EPHB1: variants seen among roughly 807,000 people sequenced by gnomAD.
EPHB1 encodes the protein ephrin type-B receptor 1.
EPHB1 carries 30 observed loss-of-function variants against 94.4 expected under a neutral mutation model. The ratio of observed to expected loss-of-function variants is 0.32; its 90% CI spans 0.24 to 0.43. The LOEUF (loss-of-function observed/expected upper bound fraction) is 0.43, where lower values mean the gene tolerates loss of function less well. Among genes scored for constraint, EPHB1 ranks in the 20% least tolerant of loss-of-function variants. The pLI, the probability that EPHB1 is intolerant of heterozygous loss-of-function variation, is 1.00. For synonymous variants in EPHB1, 522 were observed against 489.1 expected, an observed-to-expected ratio of 1.07 and a Z score of -0.89; for missense variants, 1,055 against 1,308.3, an observed-to-expected ratio of 0.81 and a Z score of 2.99.
intron 4 of EPHB1, among the ~76,000 whole-genome samples, chr3:135,121,110 A>G (rs1457861818): frequency 1.3e-5 from 2 of 152,184 alleles, no homozygotes; most frequent in South Asian, 2.1e-4. Context: ...CTAGTATCCA[A>G]AAGTTCAGCA....
chr3:134,890,499 T>C (rs903792918), intron 1 of EPHB1, among the ~76,000 whole-genome samples: 2 of 152,250 alleles, frequency 1.3e-5, no homozygotes, highest in African/African-American at 2.4e-5. Flanking sequence ...ACCTCCTTTG[T>C]ACATTTCTGA....
At chr3:135,013,455 C>T (rs1031509813) in intron 3 of EPHB1, among the ~76,000 whole-genome samples, 3 of 152,162 alleles carry the variant, frequency 2.0e-5, no homozygotes, top group Non-Finnish European at 2.9e-5. Flanking sequence ...CACCGCATAC[C>T]GAGGAATCCG....
chr3:134,826,280 GTTT>G (rs1167894115), intron 1 of EPHB1, among the ~76,000 whole-genome samples: 1 of 147,908 alleles, frequency 6.8e-6, no homozygotes, highest in African/African-American at 2.5e-5. Flanking sequence ...AATTGAAAAT[GTTT>G]TTTAGATGCT....
At chr3:134,987,773 AAAAC>A (rs34219096) in intron 3 of EPHB1, among the ~76,000 whole-genome samples, 50,832 of 151,138 alleles carry the variant, frequency 0.34, 10,549 homozygotes, top group African/African-American at 0.59. Flanking sequence ...TCTGTCTTGA[AAAAC>A]AAACAAACAA....
chr3:135,092,134 A>G (rs905215283), intron 3 of EPHB1, among the ~76,000 whole-genome samples: 1 of 152,184 alleles, frequency 6.6e-6, no homozygotes, highest in Non-Finnish European at 1.5e-5. Context: ...GCCTGGAGCT[A>G]CCAGATTGAT....
At position 134,822,922 on chromosome 3, in the gene EPHB1, A is replaced by G. The variant is rs547739942; in HGVS notation, c.58+27233A>G. Among the ~76,000 whole-genome samples the G allele has an allele frequency of 3.3e-5, 5 of 152,292 alleles. No homozygotes were observed. In the East Asian group the frequency reaches 9.7e-4, roughly 29 times the overall value. On this transcript the variant is annotated intron_variant, in intron 1 of 15. Coordinates refer to ENST00000398015, the MANE Select transcript of EPHB1 (RefSeq NM_004441.5). ...GTGTGGGTGACTGGCAAGGCCTGCA[A>G]CCTTGCCTCAGATCTGGTGAAAAGG... is the stretch of plus-strand genomic sequence containing the variant.
chr3:135,257,423 T>C (rs1293357190), intron 15 of EPHB1, among the ~76,000 whole-genome samples: 1 of 151,856 alleles, frequency 6.6e-6, no homozygotes, highest in African/African-American at 2.4e-5. Flanking sequence ...GTTTGTTAGT[T>C]TTCCTTCTAA....
chr3:134,935,820 CTAT>C (rs2067252), intron 2 of EPHB1, among the ~76,000 whole-genome samples: 58,264 of 151,670 alleles, frequency 0.38, 11,711 homozygotes, highest in Middle Eastern at 0.48. Flanking sequence ...AATAGCAGTG[CTAT>C]TATTAATAAT....
chr3:135,255,776 T>G (rs1173880597), intron 15 of EPHB1, among the ~76,000 whole-genome samples: 4 of 146,578 alleles, frequency 2.7e-5, no homozygotes, highest in Non-Finnish European at 6.0e-5. Flanking sequence ...GTATCCTTGT[T>G]GACTTTCTGT....
At chr3:135,255,244 C>G (rs1486541746) in intron 15 of EPHB1, among the ~76,000 whole-genome samples, 4 of 151,872 alleles carry the variant, frequency 2.6e-5, no homozygotes, top group Non-Finnish European at 4.4e-5. Context: ...TTATTTCTTG[C>G]CTTCTGCTAG....
Position 135,062,789 on chromosome 3 carries a change from T to G in EPHB1, c.806-43659T>G, listed in dbSNP as rs183372914. Among the ~76,000 whole-genome samples, 231 of 152,312 alleles carry G rather than the reference T, an allele frequency of 1.5e-3. 1 individual carries two copies. Among genetic ancestry groups the G allele is most frequent in the Non-Finnish European group, 2.1e-3 (146 of 68,004 alleles). ...CCAATGTCTAGAAGGGTTTTTCCAA[T>G]GTTATCTTCCAGGATTTTTATAGTT... On this transcript the variant is annotated intron_variant, in intron 3 of 15. Transcript: ENST00000398015.
In EPHB1 at chr3:135,149,573, T is replaced by C. The variant is rs118023718; in HGVS notation, c.1298-4579T>C. On this transcript the variant is annotated intron_variant, in intron 5 of 15. Coordinates refer to ENST00000398015, the MANE Select transcript of EPHB1 (RefSeq NM_004441.5). ...GCACATAAAACAACAGATCAAGAGG[T>C]GACATTTGCCCTTGGAGAGGGAAAA... Among the ~76,000 whole-genome samples, 217 of 152,312 alleles carry C rather than the reference T, an allele frequency of 1.4e-3. 2 individuals are homozygous for C. The East Asian group carries it at 0.035, about 25-fold the overall frequency.
chr3:134,925,180 T>G (rs2038764540), intron 1 of EPHB1, among the ~76,000 whole-genome samples: 1 of 152,224 alleles, frequency 6.6e-6, no homozygotes. Context: ...TGCCACTTCA[T>G]CACCTGCATG....
chr3:134,943,852 A>G (rs920247210), intron 2 of EPHB1, among the ~76,000 whole-genome samples: 6 of 152,190 alleles, frequency 3.9e-5, no homozygotes, highest in African/African-American at 1.4e-4. Context: ...CACCATGAAC[A>G]AGCTACGTGT....
chr3:135,005,151 T>C (rs1262280743), intron 3 of EPHB1, among the ~76,000 whole-genome samples: 2 of 152,170 alleles, frequency 1.3e-5, no homozygotes, highest in African/African-American at 4.8e-5. Context: ...TGGATGTCCT[T>C]TCTGTTTGTT....
At chr3:135,016,487 C>G (rs1451474962) in intron 3 of EPHB1, among the ~76,000 whole-genome samples, 1 of 152,144 alleles carries the variant, frequency 6.6e-6, no homozygotes, top group South Asian at 2.1e-4. Context: ...CTAAGTGAAA[C>G]AATAATTCTA....
intron 3 of EPHB1, among the ~76,000 whole-genome samples, chr3:135,072,639 A>T (rs1367009533): frequency 6.6e-6 from 1 of 152,076 alleles, no homozygotes. Context: ...GCCTTTGCAC[A>T]TGTCACTTCC....
At chr3:134,826,338 G>C (rs933011081) in intron 1 of EPHB1, among the ~76,000 whole-genome samples, 1 of 151,582 alleles carries the variant, frequency 6.6e-6, no homozygotes, top group African/African-American at 2.4e-5. Context: ...CTTGTTATCT[G>C]CTTGATATCT....
intron 3 of EPHB1, among the ~76,000 whole-genome samples, chr3:135,042,382 C>A (rs1936879590): frequency 6.6e-6 from 1 of 152,170 alleles, no homozygotes; most frequent in Admixed American, 6.5e-5. Flanking sequence ...TTTCAGGAGA[C>A]ACATGCAAAC....
Sources: allele counts gnomAD v4.1 joint callset (sites outside exome capture counted in the v4.1 genomes callset), GRCh38; gene constraint gnomAD v4.1.1; transcripts MANE v1.5; gene names NCBI Gene and HGNC (gene_info 2026-07-23, HGNC 2026-07-21).